The following XPO7 variants were observed in gnomAD, a reference collection of about 807,000 sequenced individuals.
XPO7 encodes exportin 7.
In XPO7, 21 loss-of-function variants were observed where a neutral mutation model predicts 144.3. That is an observed-to-expected ratio of 0.15 (90% CI 0.10 to 0.21). XPO7 has a LOEUF of 0.21. Ranked by LOEUF, XPO7 falls within the 10% of genes least tolerant of loss-of-function variation. XPO7 has a pLI of 1.00. For missense variants in XPO7, 808 were observed against 1,325.8 expected, an observed-to-expected ratio of 0.61 and a Z score of 6.06; for synonymous variants, 580 against 499.6, an observed-to-expected ratio of 1.16 and a Z score of -2.15.
intron 1 of XPO7, among the ~76,000 whole-genome samples, chr8:21,935,844 C>G (rs1585420624): frequency 6.6e-6 from 1 of 152,080 alleles, no homozygotes; most frequent in African/African-American, 2.4e-5. Flanking sequence ...CTTTCTCTCT[C>G]TCTCAATCTC....
intron 11 of XPO7, among the ~76,000 whole-genome samples, chr8:21,983,242 CAT>C (rs1419380350): frequency 1.3e-5 from 2 of 152,202 alleles, no homozygotes; most frequent in African/African-American, 2.4e-5. Flanking sequence ...AGCTAGAACA[CAT>C]AAGAATTCTA....
At chr8:21,919,812 G>T in intron 1 of XPO7, 24 bp downstream of exon 1, 2 of 459,136 alleles carry the variant, frequency 4.4e-6, no homozygotes, top group East Asian at 5.1e-5. Flanking sequence ...CGGGGGGGAG[G>T]GGGCGACCAC....
chr8:21,991,007 G>A (rs755342426), intron 18 of XPO7, 88 bp downstream of exon 18: 60 of 1,224,208 alleles, frequency 4.9e-5, no homozygotes, highest in Non-Finnish European at 6.5e-5. Flanking sequence ...TGTTGGGGAG[G>A]CCTTTTCTGT....
chr8:21,947,322 G>C (rs992271180), intron 1 of XPO7, among the ~76,000 whole-genome samples: 1 of 152,056 alleles, frequency 6.6e-6, no homozygotes, highest in African/African-American at 2.4e-5. Flanking sequence ...GTGATAACTA[G>C]TACTGGGGAG....
At chr8:22,004,247 A>G (rs908357191) in intron 27 of XPO7, among the ~76,000 whole-genome samples, 10 of 152,208 alleles carry the variant, frequency 6.6e-5, no homozygotes, top group East Asian at 3.8e-4. Context: ...TCAGTGTGTA[A>G]TCAGTATTTT....
intron 7 of XPO7, 46 bp downstream of exon 7, chr8:21,976,567 CAG>C (rs1383607378): frequency 2.7e-5 from 42 of 1,568,996 alleles, no homozygotes; most frequent in Non-Finnish European, 3.6e-5. Flanking sequence ...CACTCCCCTA[CAG>C]AGTGTCTGTA....
At chr8:21,934,858 G>A (rs1024682103) in intron 1 of XPO7, among the ~76,000 whole-genome samples, 1 of 152,208 alleles carries the variant, frequency 6.6e-6, no homozygotes. Flanking sequence ...GTGAAGCCTT[G>A]TGTAAACATC....
At chr8:21,933,312 G>A (rs988257953) in intron 1 of XPO7, among the ~76,000 whole-genome samples, 2 of 152,076 alleles carry the variant, frequency 1.3e-5, no homozygotes, top group Admixed American at 6.5e-5. Context: ...ATGTTAGCCA[G>A]GATGGTCTTG....
At chr8:22,001,907 A>G (rs1485390582) in intron 24 of XPO7, among the ~76,000 whole-genome samples, 2 of 152,224 alleles carry the variant, frequency 1.3e-5, no homozygotes, top group Non-Finnish European at 2.9e-5. Flanking sequence ...TAATTTCAGT[A>G]TTCTTTATTA....
rs753036631 is a variant in XPO7 at position 22,003,876 on chromosome 8, CCTT to C, written c.3043-24_3043-22del. 1.8e-5 allele frequency: 29 copies of C among 1,613,356 alleles called. 1 individual carries two copies. In the South Asian group the frequency reaches 2.2e-4, roughly 12 times the overall value. On this transcript the variant is annotated intron_variant, in intron 26 of 27. Coordinates refer to ENST00000252512, the MANE Select transcript of XPO7 (RefSeq NM_015024.5). ...AATCTGCCTTCCCCTGCTTCTCTAA[CCTT>C]CTGTTCCACTCCTTGCCCCACAGTA...
chr8:21,933,363 G>A (rs1810718867), intron 1 of XPO7, among the ~76,000 whole-genome samples: 1 of 152,024 alleles, frequency 6.6e-6, no homozygotes, highest in Non-Finnish European at 1.5e-5. Context: ...GCCTCCCAAA[G>A]TGCTGGGATT....
intron 19 of XPO7, among the ~76,000 whole-genome samples, chr8:21,993,420 A>G (rs1812832487): frequency 6.6e-6 from 1 of 152,196 alleles, no homozygotes; most frequent in Non-Finnish European, 1.5e-5. Context: ...AACAGAAGTG[A>G]TGTCGTTTTT....
intron 1 of XPO7, among the ~76,000 whole-genome samples, chr8:21,959,951 A>G (rs1038312097): frequency 2.0e-5 from 3 of 152,166 alleles, no homozygotes; most frequent in Non-Finnish European, 2.9e-5. Context: ...GTTTTAACCG[A>G]ATTTGGTGAA....
chr8:21,945,256 T>C (rs546225190), intron 1 of XPO7, among the ~76,000 whole-genome samples: 2 of 152,330 alleles, frequency 1.3e-5, no homozygotes, highest in East Asian at 3.9e-4. Flanking sequence ...GAATATTCTT[T>C]CCTTTAATCT....
rs1440247611 is a variant in XPO7 at position 22,006,251 on chromosome 8, A to G, written c.*1163A>G. The G allele has an allele frequency of 6.6e-6, 1 of 152,200 alleles. No individual in the cohort carries two copies. The highest frequency in any genetic ancestry group is 1.5e-5 in the Non-Finnish European group (1 of 68,038). 9.4% of individuals were successfully genotyped at this position (152,200 alleles called of 1,614,324 possible). On this transcript the variant is annotated 3_prime_UTR_variant, in exon 28 of 28. Transcript: ENST00000252512. ...TATACATTTTTATAAAATGAAAACC[A>G]TAATAAATGTTTTGAATATTAAAAA...
chr8:21,951,045 G>A (rs551681459), intron 1 of XPO7, among the ~76,000 whole-genome samples: 10 of 151,954 alleles, frequency 6.6e-5, no homozygotes, highest in South Asian at 2.1e-4. Flanking sequence ...GGGGTGAGCC[G>A]AGGTCACATC....
At chr8:21,931,991 G>T (rs1440864476) in intron 1 of XPO7, among the ~76,000 whole-genome samples, 1 of 152,094 alleles carries the variant, frequency 6.6e-6, no homozygotes, top group Non-Finnish European at 1.5e-5. Context: ...TCCTGCCTCA[G>T]CCTCCCTTAG....
intron 7 of XPO7, among the ~76,000 whole-genome samples, chr8:21,976,729 G>A (rs546905214): frequency 6.6e-6 from 1 of 152,276 alleles, no homozygotes; most frequent in East Asian, 1.9e-4. Context: ...TCACAGCTCA[G>A]TGCATCCTCA....
chr8:21,956,340 A>G (rs1303080491), intron 1 of XPO7, among the ~76,000 whole-genome samples: 2 of 152,152 alleles, frequency 1.3e-5, no homozygotes, highest in Non-Finnish European at 2.9e-5. Context: ...AAAGCAGCAT[A>G]TGGAATCTTC....
Sources: gnomAD v4.1 joint callset for allele counts (sites outside exome capture counted in the v4.1 genomes callset) on GRCh38, gnomAD v4.1.1 for gene constraint, MANE v1.5 for transcripts, NCBI Gene and HGNC (gene_info 2026-07-23, HGNC 2026-07-21) for gene names.